Variants in PALM2AKAP2 observed in about 807,000 individuals in gnomAD.
PALM2AKAP2 encodes the protein PALM2 and AKAP2 fusion.
In PALM2AKAP2, 37 loss-of-function variants were observed where a neutral mutation model predicts 71.5. The ratio of observed to expected loss-of-function variants is 0.52; its 90% CI spans 0.40 to 0.68. The LOEUF (loss-of-function observed/expected upper bound fraction) is 0.68, where lower values mean the gene tolerates loss of function less well. Among genes scored for constraint, PALM2AKAP2 ranks in the 30% least tolerant of loss-of-function variants. The probability of loss-of-function intolerance (pLI) is 0.00; values close to 1 mark genes in which losing one functional copy is unlikely to be tolerated. For missense variants in PALM2AKAP2, 1,224 were observed against 1,191.8 expected, an observed-to-expected ratio of 1.03 and a Z score of -0.40; for synonymous variants, 468 against 478.8, an observed-to-expected ratio of 0.98 and a Z score of 0.29.
At chr9:109,743,609 G>A (rs557408849) in intron 1 of PALM2AKAP2, among the ~76,000 whole-genome samples, 1 of 152,280 alleles carries the variant, frequency 6.6e-6, no homozygotes, top group African/African-American at 2.4e-5. Context: ...TGAAAAAATT[G>A]TTGAAGACCC....
chr9:109,684,744 C>T lies in PALM2AKAP2; in HGVS notation c.5+43878C>T, dbSNP rs186747753. Among the ~76,000 whole-genome samples, 179 of 152,202 alleles carry T rather than the reference C, an allele frequency of 1.2e-3. 1 individual carries two copies. Among genetic ancestry groups the T allele is most frequent in the African/African-American group, 4.0e-3 (168 of 41,528 alleles). Reference sequence around the variant, plus strand: ...AGATATAAATCATTTTGTCAAATTGCTGAAAAGAGGTTAAACATATACTTA... The same window carrying T: ...AGATATAAATCATTTTGTCAAATTGTTGAAAAGAGGTTAAACATATACTTA... On this transcript the variant is annotated intron_variant, in intron 1 of 6. Transcript: ENST00000374531.
chr9:110,058,728 C>T lies in PALM2AKAP2; in HGVS notation c.156+9873C>T, dbSNP rs143550230. Among the ~76,000 whole-genome samples the T allele has an allele frequency of 3.7e-3, 562 of 152,180 alleles. 3 individuals are homozygous for T. Among genetic ancestry groups the T allele is most frequent in the African/African-American group, 0.013 (529 of 41,516 alleles). ...CATATCCTCTCTCCCTCCTTCCTTC[C>T]CATTCTCTTTAGATCCTGGCCCAGA... On this transcript the variant is annotated intron_variant, in intron 1 of 3. Transcript: ENST00000374525.
intron 5 of PALM2AKAP2, among the ~76,000 whole-genome samples, chr9:109,929,993 G>T (rs143662724): frequency 1.3e-5 from 2 of 152,102 alleles, no homozygotes; most frequent in East Asian, 1.9e-4. Flanking sequence ...ATCTTCAGGG[G>T]GTCCCTGCAG....
chr9:109,837,419 A>G (rs1828511321), intron 1 of PALM2AKAP2, among the ~76,000 whole-genome samples: 1 of 152,210 alleles, frequency 6.6e-6, no homozygotes, highest in South Asian at 2.1e-4. Context: ...AGCCACTGCA[A>G]AAACATGCCA....
At chr9:109,804,532 C>T (rs10980051) in intron 1 of PALM2AKAP2, among the ~76,000 whole-genome samples, 26,954 of 151,928 alleles carry the variant, frequency 0.18, 2,756 homozygotes, top group East Asian at 0.34. Flanking sequence ...GCGGTAGTAA[C>T]GAAATCAAGC....
intron 1 of PALM2AKAP2, among the ~76,000 whole-genome samples, chr9:109,644,620 T>C (rs1169866615): frequency 6.6e-6 from 1 of 152,178 alleles, no homozygotes; most frequent in East Asian, 1.9e-4. Flanking sequence ...CTGCAAATTT[T>C]CTCAACTTTT....
intron 1 of PALM2AKAP2, among the ~76,000 whole-genome samples, chr9:109,807,527 A>G (rs965369026): frequency 3.3e-5 from 5 of 150,160 alleles, no homozygotes; most frequent in Admixed American, 2.6e-4. Context: ...ATATGTTCAC[A>G]TGGTGGAAGG....
intron 1 of PALM2AKAP2, among the ~76,000 whole-genome samples, chr9:109,866,579 A>T (rs1370021100): frequency 6.6e-6 from 1 of 152,216 alleles, no homozygotes; most frequent in Non-Finnish European, 1.5e-5. Context: ...AGGAAAATAT[A>T]TCCCTTTACA....
intron 2 of PALM2AKAP2, among the ~76,000 whole-genome samples, chr9:109,871,428 A>G (rs1458107294): frequency 6.6e-6 from 1 of 152,206 alleles, no homozygotes; most frequent in African/African-American, 2.4e-5. Flanking sequence ...ATAATTTCTA[A>G]GCATTACAAG....
At chr9:109,757,502 A>G (rs1163914620) in intron 1 of PALM2AKAP2, among the ~76,000 whole-genome samples, 1 of 152,130 alleles carries the variant, frequency 6.6e-6, no homozygotes, top group Non-Finnish European at 1.5e-5. Flanking sequence ...GCAAAGAGAG[A>G]GGCAGGTCTG....
chr9:110,026,612 C>T (rs926306553), intron 7 of PALM2AKAP2, among the ~76,000 whole-genome samples: 7 of 152,178 alleles, frequency 4.6e-5, no homozygotes, highest in African/African-American at 1.7e-4. Context: ...CCAAAACTCT[C>T]TACCCATTAA....
chr9:109,840,815 G>T (rs146968317), intron 1 of PALM2AKAP2, among the ~76,000 whole-genome samples: 3,737 of 152,262 alleles, frequency 0.025, 95 homozygotes, highest in African/African-American at 0.064. Flanking sequence ...AAACCACAAT[G>T]AGATACCATC....
intron 6 of PALM2AKAP2, among the ~76,000 whole-genome samples, chr9:109,983,829 C>G (rs1832322728): frequency 6.6e-6 from 1 of 151,046 alleles, no homozygotes; most frequent in African/African-American, 2.4e-5. Context: ...CATGCCACTG[C>G]ACTGCAGCCT....
chr9:109,686,633 AT>A lies in PALM2AKAP2; in HGVS notation c.5+45771del, dbSNP rs1827808604. On this transcript the variant is annotated intron_variant, in intron 1 of 6. Transcript: ENST00000374531. The stretch of plus-strand genomic sequence containing the variant: ...GTTCCATTTATTTATTTATTTATTT[AT>A]TTTATTTTTTTACTTTTATTTTTTA... Among the ~76,000 whole-genome samples, 4 of 149,568 alleles carry A rather than the reference AT, an allele frequency of 2.7e-5. No individual in the cohort carries two copies. The South Asian group carries it at 6.3e-4, about 23-fold the overall frequency.
In PALM2AKAP2 at chr9:109,846,177, G is replaced by A. The variant is rs2769152; in HGVS notation, c.46-21314G>A. 2.6e-3 allele frequency among the ~76,000 whole-genome samples: 379 copies of A among 145,202 alleles called. 4 individuals carry two copies. The highest frequency in any genetic ancestry group is 9.3e-3 in the African/African-American group (356 of 38,472). On this transcript the variant is annotated intron_variant, in intron 1 of 9. Coordinates refer to the PALM2AKAP2 transcript ENST00000302798. Reference sequence around the variant, plus strand: ...GGACAGCAGGTCTTCTCTGTCCCCCGAGTTCTTCTGATGTCCTGCACAGAA... The same window carrying A: ...GGACAGCAGGTCTTCTCTGTCCCCCAAGTTCTTCTGATGTCCTGCACAGAA...
At chr9:110,143,169 C>G (rs1240264626) in intron 2 of PALM2AKAP2, among the ~76,000 whole-genome samples, 3 of 151,548 alleles carry the variant, frequency 2.0e-5, no homozygotes, top group African/African-American at 4.9e-5. Flanking sequence ...TGCCTGTAAT[C>G]CCAGCACTTT....
rs1022982605 is a variant in PALM2AKAP2, at chr9:109,953,566, G to A, written c.496+21538G>A. 5.3e-5 allele frequency among the ~76,000 whole-genome samples: 8 copies of A among 152,198 alleles called. No individual in the cohort carries two copies. In the East Asian group the frequency reaches 7.7e-4, roughly 15 times the overall value. On this transcript the variant is annotated intron_variant, in intron 6 of 9. Transcript: ENST00000302798. Reference sequence around the variant, plus strand: ...AGGCCGGGCGCTGGAGGCCAGGTGCGGTGGCTCATGCTTGTAATCCCAGCA... The same window carrying A: ...AGGCCGGGCGCTGGAGGCCAGGTGCAGTGGCTCATGCTTGTAATCCCAGCA...
At chr9:109,835,391 G>T (rs1380237327) in intron 1 of PALM2AKAP2, among the ~76,000 whole-genome samples, 1 of 150,408 alleles carries the variant, frequency 6.6e-6, no homozygotes, top group Non-Finnish European at 1.5e-5. Flanking sequence ...AAGAAGAGAG[G>T]GTGGGGGCGG....
rs142267922 is a variant in PALM2AKAP2 at position 109,897,682 on chromosome 9, A to C, written c.257+17001A>C. ...AGCAAATGGAATGATTCTCAGACCAAATTTTTTCACCAGGCATTTATTAGA... is the reference window on the plus strand; with the variant it reads ...AGCAAATGGAATGATTCTCAGACCACATTTTTTCACCAGGCATTTATTAGA... On this transcript the variant is annotated intron_variant, in intron 3 of 9. Coordinates refer to the PALM2AKAP2 transcript ENST00000302798. 9.7e-3 allele frequency among the ~76,000 whole-genome samples: 1,471 copies of C among 152,334 alleles called. 66 individuals carry two copies. The highest frequency in any genetic ancestry group is 0.086 in the Admixed American group (1,323 of 15,298).
Sources: gnomAD v4.1 joint callset for allele counts (sites outside exome capture counted in the v4.1 genomes callset) on GRCh38, gnomAD v4.1.1 for gene constraint, MANE v1.5 for transcripts, NCBI Gene and HGNC (gene_info 2026-07-23, HGNC 2026-07-21) for gene names.